SLC35D1: variants seen among roughly 807,000 people sequenced by gnomAD.
The protein encoded by SLC35D1 is solute carrier family 35 member D1, also known as nucleotide sugar transporter SLC35D1.
Under a neutral mutation model 46.7 loss-of-function variants are expected in SLC35D1, and 31 were observed. The observed-to-expected ratio is 0.66, with a 90% CI of 0.50 to 0.90. The LOEUF (loss-of-function observed/expected upper bound fraction) is 0.90. Ranked by LOEUF, SLC35D1 falls within the 40% of genes least tolerant of loss-of-function variation. The pLI, the probability that SLC35D1 is intolerant of heterozygous loss-of-function variation, is 0.00. For missense variants in SLC35D1, 397 were observed against 426.2 expected (o/e 0.93, Z 0.60); for synonymous variants, 195 against 164.6 (o/e 1.18, Z -1.41).
At chr1:67,044,331 TGA>T (rs1491502212) in intron 7 of SLC35D1, among the ~76,000 whole-genome samples, 8,205 of 140,616 alleles carry the variant, frequency 0.058, 788 homozygotes, top group African/African-American at 0.2. Context: ...AGACTCCATC[TGA>T]AAAAAAAAAA....
intron 8 of SLC35D1, among the ~76,000 whole-genome samples, chr1:67,041,414 CT>C: frequency 6.6e-6 from 1 of 152,286 alleles, no homozygotes; most frequent in Admixed American, 6.5e-5. Context: ...AGTCCAACAG[CT>C]TTTAAAAATC....
At chr1:66,983,770 C>G in the SLC35D1 span, among the ~76,000 whole-genome samples, 364 of 152,266 alleles carry the variant, frequency 2.4e-3, 2 homozygotes, top group African/African-American at 8.4e-3. Context: ...CTTTGTCGCC[C>G]AGGCTGGAAT....
At chr1:66,985,268 T>G in the SLC35D1 span, 10 of 980,264 alleles carry the variant, frequency 1.0e-5, no homozygotes, top group Non-Finnish European at 1.2e-5. Context: ...TACAAGGTAA[T>G]TTTTGCTTAG....
chr1:66,973,860 A>G, the SLC35D1 span, among the ~76,000 whole-genome samples: 1 of 152,068 alleles, frequency 6.6e-6, no homozygotes, highest in South Asian at 2.1e-4. Context: ...GATAGCTTCT[A>G]AGTTTTGTGT....
chr1:66,996,482 G>T (rs1230899061), downstream of SLC35D1, among the ~76,000 whole-genome samples: 1 of 152,198 alleles, frequency 6.6e-6, no homozygotes, highest in African/African-American at 2.4e-5. Flanking sequence ...GACTGATGGG[G>T]GTTTGAATGC....
chr1:67,013,231 G>A (rs1346980494), intron 10 of SLC35D1, among the ~76,000 whole-genome samples: 1 of 132,304 alleles, frequency 7.6e-6, no homozygotes, highest in African/African-American at 3.0e-5. Context: ...TTTAAAATTA[G>A]ACTCTTAAAT....
the SLC35D1 span, among the ~76,000 whole-genome samples, chr1:66,989,504 G>A: frequency 9.2e-5 from 14 of 152,292 alleles, no homozygotes; most frequent in African/African-American, 2.4e-4. Context: ...AGTTGGCTGC[G>A]TAGGCTGGAG....
At chr1:67,020,296 A>G (rs1667770240) in intron 10 of SLC35D1, 73 bp downstream of exon 10, 2 of 988,250 alleles carry the variant, frequency 2.0e-6, no homozygotes, top group Non-Finnish European at 3.3e-6. Flanking sequence ...AAGGCCATCA[A>G]CAGACTCTTA....
rs920330019 is a variant in SLC35D1 at position 67,042,278 on chromosome 1, C to T, written c.687G>A (p.Leu229=). Residue 229 remains leucine (L), a synonymous_variant, in exon 8 of 12, where the codon CTG becomes CTA. Coordinates refer to ENST00000235345, the MANE Select transcript of SLC35D1 (RefSeq NM_015139.3). The stretch of plus-strand genomic sequence containing the variant: ...TGAAATACGCAATGGCCAGGGTGGG[C>T]AGAATCATGAACAGTGCATTGTAAT... The part of the protein sequence containing the change: ...LLYYNALFMI[L]PTLAIAYFTG... 1.2e-6 allele frequency: 2 copies of T among 1,614,008 alleles called. No homozygotes were observed. Among genetic ancestry groups the T allele is most frequent in the Non-Finnish European group, 1.7e-6 (2 of 1,180,016 alleles).
the SLC35D1 span, among the ~76,000 whole-genome samples, chr1:66,977,687 A>C: frequency 1.0e-3 from 155 of 152,370 alleles, no homozygotes; most frequent in South Asian, 1.9e-3. Flanking sequence ...TTACTTAAAC[A>C]GAAAAGAGTA....
At chr1:66,981,983 G>A in the SLC35D1 span, 1 of 1,557,018 alleles carries the variant, frequency 6.4e-7, no homozygotes, top group South Asian at 1.2e-5. Flanking sequence ...AGTGACTTGG[G>A]AAATTCCGTT....
At chr1:67,053,756 GC>G in intron 1 of SLC35D1, 54 bp downstream of exon 1, 2 of 1,409,282 alleles carry the variant, frequency 1.4e-6, no homozygotes, top group Non-Finnish European at 1.9e-6. Context: ...GCGCCGCGCC[GC>G]CGCCGCCGCC....
the SLC35D1 span, among the ~76,000 whole-genome samples, chr1:66,990,700 G>A: frequency 7.9e-5 from 12 of 152,146 alleles, no homozygotes. Flanking sequence ...TCGTGTATAT[G>A]TATAGTTAGT....
the SLC35D1 span, among the ~76,000 whole-genome samples, chr1:66,990,928 C>T: frequency 2.0e-5 from 3 of 152,256 alleles, no homozygotes; most frequent in African/African-American, 7.2e-5. Context: ...AGCACAGTGC[C>T]TCTTCCCTTA....
chr1:66,997,862 T>C (rs1667260260), downstream of SLC35D1, among the ~76,000 whole-genome samples: 1 of 150,054 alleles, frequency 6.7e-6, no homozygotes, highest in Non-Finnish European at 1.5e-5. Flanking sequence ...CATATATATC[T>C]AAGGGGGTTA....
At chr1:66,987,652 A>AT in the SLC35D1 span, 2 of 152,594 alleles carry the variant, frequency 1.3e-5, no homozygotes, top group East Asian at 1.9e-4. Flanking sequence ...TTATTAAAAT[A>AT]TTTTTTTAAA....
rs1189830159 is a variant in SLC35D1, at chr1:67,049,848, T to C, written c.467A>G (p.Lys156Arg). ...CATTTTAATACCCCAAGAAAAAGTC[T>C]TCCTACAAAACAAAAAATTTTAAAA... is the stretch of plus-strand genomic sequence containing the variant. ...TMFAEGVLLK[K>R]TFSWGIKMTV... is the part of the protein sequence containing the mutation. Residue 156 changes from lysine (K) to arginine (R), a missense_variant and splice_region_variant, in exon 6 of 12, where the codon AAG becomes AGG. Coordinates refer to ENST00000235345, the MANE Select transcript of SLC35D1 (RefSeq NM_015139.3). 6.2e-7 allele frequency: 1 copy of C among 1,612,766 alleles called. No individual in the cohort carries two copies.
downstream of SLC35D1, among the ~76,000 whole-genome samples, chr1:66,998,361 T>G (rs568637436): frequency 6.6e-6 from 1 of 152,086 alleles, no homozygotes; most frequent in African/African-American, 2.4e-5. Context: ...TGGTGGTGCA[T>G]GCCTGTAATC....
In SLC35D1 at chr1:67,047,277, T is replaced by G. The variant is rs1645262175; in HGVS notation, c.624A>C (p.Lys208Asn). 1 of 1,612,692 alleles carries G rather than the reference T, an allele frequency of 6.2e-7. No individual in the cohort carries two copies. The highest frequency in any genetic ancestry group is 8.5e-7 in the Non-Finnish European group (1 of 1,179,478). Residue 208 changes from lysine to asparagine, a missense_variant, in exon 7 of 12, where the codon AAA becomes AAC. Lys to Asn is a moderately conservative substitution (Grantham distance 94, BLOSUM62 0). Transcript: ENST00000235345. ...GATTGCTACTTACTTTTGAATCTAATTTTTGTTTTACGTATGCACCATTTG... is the reference window on the plus strand; with the variant it reads ...GATTGCTACTTACTTTTGAATCTAAGTTTTGTTTTACGTATGCACCATTTG... Reference protein sequence around the residue: ...TAANGAYVKQKLDSKELGKYG... With the variant: ...TAANGAYVKQNLDSKELGKYG...
Sources: gnomAD v4.1 joint callset for allele counts (sites outside exome capture counted in the v4.1 genomes callset) on GRCh38, gnomAD v4.1.1 for gene constraint, MANE v1.5 for transcripts, NCBI Gene and HGNC (gene_info 2026-07-23, HGNC 2026-07-21) for gene names.